DLG2: variants seen among roughly 807,000 people sequenced by gnomAD.
DLG2 encodes the protein discs large MAGUK scaffold protein 2.
DLG2 carries 45 observed loss-of-function variants against 132.5 expected under a neutral mutation model. That is an observed-to-expected ratio of 0.34 (90% CI 0.27 to 0.44). DLG2 has a LOEUF of 0.44. DLG2 is among the 20% of genes least tolerant of loss of function. The pLI, the probability that DLG2 is intolerant of heterozygous loss-of-function variation, is 1.00. For missense variants in DLG2, 1,045 were observed against 1,196.9 expected, an observed-to-expected ratio of 0.87 and a Z score of 1.87; for synonymous variants, 424 against 419.6, an observed-to-expected ratio of 1.01 and a Z score of -0.13.
intron 6 of DLG2, among the ~76,000 whole-genome samples, chr11:84,700,340 T>G (rs1158485113): frequency 6.7e-6 from 1 of 149,050 alleles, no homozygotes; most frequent in African/African-American, 2.5e-5. Context: ...AAAAAAAAAA[T>G]GAACAAAAAT....
intron 3 of DLG2, among the ~76,000 whole-genome samples, chr11:85,396,609 G>C (rs2087399238): frequency 6.6e-6 from 1 of 152,158 alleles, no homozygotes. Flanking sequence ...GAAAACCACA[G>C]CACGAGCACT....
At position 84,050,517 on chromosome 11, in the gene DLG2, G is replaced by C. The variant is rs539443963; in HGVS notation, c.919+8798C>G. On this transcript the variant is annotated intron_variant, in intron 11 of 27. Transcript: ENST00000376104. ...TCTTTCGCTGTGCAGAAGCTCTTTA[G>C]TTTAATGAGATCCCATTTGTCAATT... Among the ~76,000 whole-genome samples the C allele has an allele frequency of 3.1e-3, 471 of 152,054 alleles. 2 individuals carry two copies. The highest frequency in any genetic ancestry group is 0.011 in the African/African-American group (459 of 41,516).
At chr11:85,608,662 C>T (rs1268282208) in intron 2 of DLG2, among the ~76,000 whole-genome samples, 9 of 152,058 alleles carry the variant, frequency 5.9e-5, no homozygotes, top group African/African-American at 2.2e-4. Flanking sequence ...ACAAAACCCC[C>T]CAGGCTGTCA....
intron 21 of DLG2, among the ~76,000 whole-genome samples, chr11:83,514,278 T>C (rs1021584181): frequency 1.3e-5 from 2 of 152,218 alleles, no homozygotes; most frequent in Admixed American, 6.5e-5. Context: ...GGTATTTTAT[T>C]CTCTTTGAAG....
At chr11:83,744,598 C>A (rs932721533) in intron 18 of DLG2, among the ~76,000 whole-genome samples, 13 of 152,138 alleles carry the variant, frequency 8.5e-5, no homozygotes, top group Non-Finnish European at 1.5e-4. Context: ...TTCTAGAAAA[C>A]AGACAATTTA....
At chr11:84,559,544 G>C (rs1482449822) in intron 6 of DLG2, among the ~76,000 whole-genome samples, 1 of 151,934 alleles carries the variant, frequency 6.6e-6, no homozygotes, top group Admixed American at 6.6e-5. Flanking sequence ...TTCCACAAAG[G>C]TTATAATATA....
chr11:83,757,743 A>G (rs1272244474), intron 18 of DLG2, among the ~76,000 whole-genome samples: 1 of 152,174 alleles, frequency 6.6e-6, no homozygotes, highest in African/African-American at 2.4e-5. Context: ...ACACACATAT[A>G]CACACTCATA....
intron 3 of DLG2, among the ~76,000 whole-genome samples, chr11:85,495,295 C>CT (rs2093645428): frequency 6.6e-6 from 1 of 152,078 alleles, no homozygotes. Context: ...ATCACATGCT[C>CT]TAAAATCTAG....
chr11:84,494,630 C>A (rs1032423671), intron 7 of DLG2, among the ~76,000 whole-genome samples: 2 of 152,136 alleles, frequency 1.3e-5, no homozygotes, highest in African/African-American at 4.8e-5. Flanking sequence ...GATAGATAAA[C>A]ATGGTTTCAG....
intron 7 of DLG2, among the ~76,000 whole-genome samples, chr11:84,463,797 C>G (rs541917452): frequency 6.6e-6 from 1 of 151,082 alleles, no homozygotes; most frequent in South Asian, 2.1e-4. Flanking sequence ...CTTGAACACA[C>G]CCGTGGGTTT....
chr11:84,930,134 C>A (rs778602132), intron 6 of DLG2, among the ~76,000 whole-genome samples: 5 of 152,078 alleles, frequency 3.3e-5, no homozygotes, highest in African/African-American at 4.8e-5. Flanking sequence ...TCCTGTTACT[C>A]CTTAATGGTT....
chr11:84,626,975 G>A (rs1248261122), intron 6 of DLG2, among the ~76,000 whole-genome samples: 1 of 151,924 alleles, frequency 6.6e-6, no homozygotes, highest in Admixed American at 6.6e-5. Flanking sequence ...AGGTTCAAGT[G>A]ATTCTCCTGC....
intron 18 of DLG2, chr11:83,724,718 C>A: frequency 1.6e-6 from 1 of 622,612 alleles, no homozygotes; most frequent in Non-Finnish European, 2.9e-6. Context: ...GCAGTGGCTA[C>A]TAACAAACGG....
At chr11:84,811,113 T>G (rs1169149103) in intron 6 of DLG2, among the ~76,000 whole-genome samples, 1 of 152,178 alleles carries the variant, frequency 6.6e-6, no homozygotes. Context: ...TTCTGACAAC[T>G]GCATGTGAAT....
intron 21 of DLG2, 37 bp downstream of exon 21, chr11:83,532,671 C>A: frequency 6.3e-7 from 1 of 1,586,368 alleles, no homozygotes; most frequent in South Asian, 1.1e-5. Context: ...TCCATGGCAA[C>A]TGAGAGAACT....
chr11:85,310,960 TTTGA>T (rs567760457), intron 3 of DLG2, among the ~76,000 whole-genome samples: 18 of 152,198 alleles, frequency 1.2e-4, no homozygotes, highest in Non-Finnish European at 2.4e-4. Context: ...CTGTTATTTA[TTTGA>T]TTAATTTCTC....
chr11:83,753,866 C>CATATATATATG (rs56158440), intron 18 of DLG2, among the ~76,000 whole-genome samples: 42 of 29,066 alleles, frequency 1.4e-3, no homozygotes, highest in Non-Finnish European at 1.7e-3. Flanking sequence ...ATATATATTT[C>CATATATATATG]ATATATATGA....
intron 9 of DLG2, among the ~76,000 whole-genome samples, chr11:84,130,569 G>A (rs558602842): frequency 8.8e-5 from 12 of 136,542 alleles, no homozygotes; most frequent in South Asian, 6.7e-4. Flanking sequence ...ATAAGTATAC[G>A]CACACATAGA....
intron 6 of DLG2, among the ~76,000 whole-genome samples, chr11:84,560,017 A>G (rs2080024106): frequency 6.6e-6 from 1 of 152,148 alleles, no homozygotes; most frequent in Non-Finnish European, 1.5e-5. Flanking sequence ...AAAAATGTAT[A>G]TAGGTATGCT....
Sources: gnomAD v4.1 joint callset for allele counts (sites outside exome capture counted in the v4.1 genomes callset) on GRCh38, gnomAD v4.1.1 for gene constraint, MANE v1.5 for transcripts, NCBI Gene and HGNC (gene_info 2026-07-23, HGNC 2026-07-21) for gene names.